The following BRD1 variants were observed in gnomAD, a reference collection of about 807,000 sequenced individuals.
BRD1 encodes bromodomain-containing protein 1.
A neutral mutation model predicts 107.7 loss-of-function variants in BRD1; 24 were observed. The ratio of observed to expected loss-of-function variants is 0.22; its 90% CI spans 0.16 to 0.31. The LOEUF (loss-of-function observed/expected upper bound fraction) is 0.31, where lower values mean the gene tolerates loss of function less well. BRD1 is among the 10% of genes least tolerant of loss of function. The pLI is 1.00. For synonymous variants in BRD1, 744 were observed against 686.1 expected (o/e 1.08, Z -1.32); for missense variants, 1,279 against 1,638.6 (o/e 0.78, Z 3.79).
At chr22:49,789,504 C>G (rs986857132) in intron 7 of BRD1, among the ~76,000 whole-genome samples, 2 of 151,298 alleles carry the variant, frequency 1.3e-5, no homozygotes, top group Admixed American at 6.6e-5. Flanking sequence ...CCCCCCGCCC[C>G]GAGCTCTCGC....
rs772303615 is a variant in BRD1, at chr22:49,798,029, T to C, written c.1874A>G (p.His625Arg). 16 of 1,614,066 alleles carry C rather than the reference T, an allele frequency of 9.9e-6. No individual in the cohort carries two copies. The highest frequency in any genetic ancestry group is 8.9e-5 in the East Asian group (4 of 44,900). ...RLEAQGYKNL[H>R]EFEEDFDLII... Reference sequence around the variant, plus strand: ...GAGATCAAAATCCTCCTCAAACTCATGGAGGTTTTTATACCCTTGAGCTTC... The same window carrying C: ...GAGATCAAAATCCTCCTCAAACTCACGGAGGTTTTTATACCCTTGAGCTTC... The change falls in exon 6 of 13, where the codon CAT becomes CGT. Residue 625 changes from histidine to arginine, a missense_variant. By Grantham distance (29) the His-to-Arg change is conservative. Transcript: ENST00000404760.
At chr22:49,822,864 C>T (rs535693117) in intron 2 of BRD1, 87 bp downstream of exon 2, 3 of 1,477,636 alleles carry the variant, frequency 2.0e-6, no homozygotes, top group African/African-American at 2.8e-5. Flanking sequence ...AATGACCACA[C>T]AGCACGGGCC....
In BRD1 at chr22:49,777,822, CA is replaced by C; in HGVS notation, c.2858-10del. ...AAAGCCGTTGGTGAGACCTGGAACA[CA>C]GGCGGGCAGGCCCTGAGCTCAGCAC... On this transcript the variant is annotated splice_polypyrimidine_tract_variant and intron_variant, in intron 8 of 12. Coordinates refer to ENST00000404760, the MANE Select transcript of BRD1 (RefSeq NM_001304808.3). 1 of 1,591,532 alleles carries C rather than the reference CA, an allele frequency of 6.3e-7. No homozygotes were observed. Among genetic ancestry groups the C allele is most frequent in the Non-Finnish European group, 8.5e-7 (1 of 1,173,004 alleles).
intron 7 of BRD1, among the ~76,000 whole-genome samples, chr22:49,790,129 C>T (rs1367796818): frequency 1.3e-5 from 2 of 152,208 alleles, no homozygotes; most frequent in African/African-American, 4.8e-5. Flanking sequence ...AGGTCGCTGT[C>T]GTCTGGGTGC....
rs536020445 is a variant in BRD1 at position 49,799,724 on chromosome 22, C to A, written c.1525-605G>T. ...TCCCTTCTCAGTGGACAGAAGAGTGCGCCAGACAGCACAGGCCGCCAGCCT... is the reference window on the plus strand; with the variant it reads ...TCCCTTCTCAGTGGACAGAAGAGTGAGCCAGACAGCACAGGCCGCCAGCCT... On this transcript the variant is annotated intron_variant, in intron 3 of 12. Coordinates refer to ENST00000404760, the MANE Select transcript of BRD1 (RefSeq NM_001304808.3). 5.3e-5 allele frequency among the ~76,000 whole-genome samples: 8 copies of A among 152,330 alleles called. No individual in the cohort carries two copies. The East Asian group carries it at 1.5e-3, about 29-fold the overall frequency.
intron 8 of BRD1, among the ~76,000 whole-genome samples, chr22:49,780,259 G>T (rs941335011): frequency 6.6e-6 from 1 of 152,226 alleles, no homozygotes; most frequent in Non-Finnish European, 1.5e-5. Context: ...GGCCAGGAAG[G>T]GGATTAAAAC....
At position 49,827,872 on chromosome 22, in the gene BRD1, G is replaced by A. The variant is rs1174716976; in HGVS notation, c.-390C>T. Among the ~76,000 whole-genome samples the A allele has an allele frequency of 1.4e-5, 2 of 145,016 alleles. No individual in the cohort carries two copies. The highest frequency in any genetic ancestry group is 1.5e-5 in the Non-Finnish European group (1 of 65,620). ...CTCGCTCCCCAGCGAAGCAAACAAT[G>A]CGGCGAGCGCTCCGCCCGGCGCGCT... is the stretch of plus-strand genomic sequence containing the variant. On this transcript the variant is annotated 5_prime_UTR_variant, in exon 1 of 13. Transcript: ENST00000404760.
chr22:49,781,036 G>A (rs2059197046), intron 8 of BRD1, among the ~76,000 whole-genome samples: 1 of 152,216 alleles, frequency 6.6e-6, no homozygotes, highest in African/African-American at 2.4e-5. Flanking sequence ...TAAAGCTGGT[G>A]ACTGTGAGAA....
At chr22:49,795,166 T>C (rs2059507293) in intron 6 of BRD1, among the ~76,000 whole-genome samples, 1 of 152,138 alleles carries the variant, frequency 6.6e-6, no homozygotes, top group Admixed American at 6.5e-5. Context: ...TCTGAACAAA[T>C]GTCATAGATA....
intron 2 of BRD1, chr22:49,806,866 T>C (rs2059754902): frequency 6.6e-6 from 1 of 152,214 alleles, no homozygotes; most frequent in South Asian, 2.1e-4. Context: ...GGTGTGGTGG[T>C]GCGTGCCTAC....
intron 2 of BRD1, among the ~76,000 whole-genome samples, chr22:49,815,176 C>T (rs559186713): frequency 7.2e-5 from 11 of 152,298 alleles, no homozygotes; most frequent in Non-Finnish European, 8.8e-5. Context: ...CAGTGAGAAA[C>T]GCAGCCCATG....
chr22:49,776,223 C>CA (rs369744530), intron 10 of BRD1, 64 bp from the exon 11 acceptor site: 23 of 1,449,916 alleles, frequency 1.6e-5, no homozygotes, highest in South Asian at 1.5e-4. Context: ...CCCGCCCCCC[C>CA]ACAAAAGGTG....
At chr22:49,802,168 C>A (rs2059654937) in intron 3 of BRD1, among the ~76,000 whole-genome samples, 1 of 150,768 alleles carries the variant, frequency 6.6e-6, no homozygotes, top group African/African-American at 2.5e-5. Flanking sequence ...CTTCCTTTCC[C>A]CAACATCGCG....
chr22:49,777,271 A>G, intron 9 of BRD1, 110 bp from the exon 10 acceptor site: 1 of 1,521,054 alleles, frequency 6.6e-7, no homozygotes, highest in Non-Finnish European at 8.9e-7. Flanking sequence ...ATCCTGCCTG[A>G]CACCCCCGCG....
In BRD1 at chr22:49,823,772, C is replaced by A. The variant is rs781679722; in HGVS notation, c.546G>T (p.Ser182=). Residue 182 remains serine (S), a synonymous_variant, in exon 2 of 13, where the codon TCG becomes TCT. Coordinates refer to ENST00000404760, the MANE Select transcript of BRD1 (RefSeq NM_001304808.3). ...KRKGDCVPAV[S]QSMFEFLMDR... ...CCATCAGGAACTCAAACATGCTCTG[C>A]GACACGGCGGGGACGCAGTCGCCCT... 5 of 1,614,046 alleles carry A rather than the reference C, an allele frequency of 3.1e-6. No individual in the cohort carries two copies. The South Asian group carries it at 3.3e-5, about 11-fold the overall frequency.
chr22:49,774,501 T>C (rs1319978914), intron 12 of BRD1, 85 bp from the exon 13 acceptor site: 2 of 1,410,964 alleles, frequency 1.4e-6, no homozygotes, highest in African/African-American at 1.4e-5. Context: ...ACAAATTCAC[T>C]GCCCTCCGAT....
rs547329857 is a variant in BRD1 at position 49,792,460 on chromosome 22, G to A, written c.2359+1574C>T. ...GGCACAATGGGGCGGCCCAGGGCCCGGACAGGTATGGCTGCCAGAGGGTCC... is the reference window on the plus strand; with the variant it reads ...GGCACAATGGGGCGGCCCAGGGCCCAGACAGGTATGGCTGCCAGAGGGTCC... On this transcript the variant is annotated intron_variant, in intron 7 of 12. Coordinates refer to ENST00000404760, the MANE Select transcript of BRD1 (RefSeq NM_001304808.3). This position sits in a 1 kb window ranked among gnomAD's most constrained non-coding sequence, Gnocchi z 4.2. 4.6e-5 allele frequency among the ~76,000 whole-genome samples: 7 copies of A among 152,298 alleles called. No homozygotes were observed. In the South Asian group the frequency reaches 6.2e-4, roughly 14 times the overall value.
In BRD1 at chr22:49,824,588, C is replaced by G. The variant is rs915548209; in HGVS notation, c.-14-257G>C. On this transcript the variant is annotated intron_variant, in intron 1 of 12. Coordinates refer to ENST00000404760, the MANE Select transcript of BRD1 (RefSeq NM_001304808.3). The surrounding 1 kb of genome is among the most constrained non-coding windows in gnomAD (Gnocchi z 5.9). ...TCCTGAGCACCTGCGTCCCTACCACCACACACCAGTCCCCTCTCAGACCAC... is the reference window on the plus strand; with the variant it reads ...TCCTGAGCACCTGCGTCCCTACCACGACACACCAGTCCCCTCTCAGACCAC... The G allele has an allele frequency of 3.8e-6, 5 of 1,313,762 alleles. No individual in the cohort carries two copies. In the African/African-American group the frequency reaches 7.5e-5, roughly 20 times the overall value. The allele number at this position is 1,313,762 out of a possible 1,614,324, so 81.4% of individuals were successfully genotyped here. A position where few individuals can be genotyped will look rare whatever the true frequency, so the allele number is the denominator to read the frequency against.
chr22:49,795,447 C>T (rs1703063562), intron 6 of BRD1, among the ~76,000 whole-genome samples: 1 of 152,168 alleles, frequency 6.6e-6, no homozygotes, highest in Admixed American at 6.5e-5. Flanking sequence ...CAAAAAAACC[C>T]GGGTGTAGAA....
Sources: allele counts gnomAD v4.1 joint callset (sites outside exome capture counted in the v4.1 genomes callset), GRCh38; gene constraint gnomAD v4.1.1; non-coding constraint Gnocchi (gnomAD v3.1); transcripts MANE v1.5; gene names NCBI Gene and HGNC (gene_info 2026-07-23, HGNC 2026-07-21).